Variants in TMPRSS12 observed in about 807,000 individuals in gnomAD.
TMPRSS12 encodes transmembrane serine protease 12, also known as transmembrane protease serine 12.
Under a neutral mutation model 26.0 loss-of-function variants are expected in TMPRSS12, and 25 were observed. That is an observed-to-expected ratio of 0.96 (90% CI 0.70 to 1.34). The LOEUF is 1.34. TMPRSS12 is among the 40% of genes most tolerant of loss of function. The pLI, the probability that TMPRSS12 is intolerant of heterozygous loss-of-function variation, is 0.00. For missense variants in TMPRSS12, 441 were observed against 440.1 expected, an observed-to-expected ratio of 1.00 and a Z score of -0.02; for synonymous variants, 150 against 161.7, an observed-to-expected ratio of 0.93 and a Z score of 0.55.
At chr12:50,880,695 T>G (rs980192522) in intron 3 of TMPRSS12, among the ~76,000 whole-genome samples, 3 of 152,062 alleles carry the variant, frequency 2.0e-5, no homozygotes, top group African/African-American at 7.2e-5. Flanking sequence ...TTATGAACGC[T>G]CATCATAGCA....
chr12:50,856,375 C>G (rs912307578), intron 2 of TMPRSS12, among the ~76,000 whole-genome samples: 1 of 152,286 alleles, frequency 6.6e-6, no homozygotes, highest in South Asian at 2.1e-4. Context: ...GCCTGCAGAA[C>G]TGTGAGCCAA....
intron 3 of TMPRSS12, among the ~76,000 whole-genome samples, chr12:50,876,756 A>T (rs1351930728): frequency 7.1e-6 from 1 of 140,678 alleles, no homozygotes; most frequent in African/African-American, 2.6e-5. Flanking sequence ...AGGAGCAGAG[A>T]TCGTGCCACT....
chr12:50,862,792 G>C (rs1210163248), intron 3 of TMPRSS12, among the ~76,000 whole-genome samples: 1 of 151,978 alleles, frequency 6.6e-6, no homozygotes, highest in African/African-American at 2.4e-5. Flanking sequence ...CTCCCAAAGT[G>C]CTAGGACTAC....
chr12:50,843,944 T>C lies in TMPRSS12; in HGVS notation c.290T>C (p.Ile97Thr), dbSNP rs773919093. The change falls in exon 2 of 5, where the codon ATT (isoleucine) becomes ACT (threonine). Residue 97 changes from isoleucine to threonine, a missense_variant. Physicochemically the swap from Ile to Thr is moderately conservative, Grantham distance 89. Coordinates refer to ENST00000398458, the MANE Select transcript of TMPRSS12 (RefSeq NM_182559.3). ...TGGCCGTGGGTGGTGAGCCTGCAGA[T>C]TAAATATGGCCGTGTTCTTGTTCAT... Reference protein sequence around the residue: ...GAWPWVVSLQIKYGRVLVHVC... With the variant: ...GAWPWVVSLQTKYGRVLVHVC... 1 of 1,601,144 alleles carries C rather than the reference T, an allele frequency of 6.2e-7. No individual in the cohort carries two copies. The highest frequency in any genetic ancestry group is 1.1e-5 in the South Asian group (1 of 88,560).
intron 3 of TMPRSS12, among the ~76,000 whole-genome samples, chr12:50,859,766 T>C (rs1937917809): frequency 1.3e-5 from 2 of 152,238 alleles, no homozygotes; most frequent in South Asian, 2.1e-4. Flanking sequence ...TAACAGGCTA[T>C]ACCATCTACC....
At chr12:50,859,666 C>T (rs142450429) in intron 3 of TMPRSS12, among the ~76,000 whole-genome samples, 66 of 152,278 alleles carry the variant, frequency 4.3e-4, no homozygotes, top group Non-Finnish European at 7.2e-4. Flanking sequence ...CCTACTGTAC[C>T]TTTTCTGTGT....
At chr12:50,885,824 CT>C (rs398019534) in intron 4 of TMPRSS12, 9,793 of 187,752 alleles carry the variant, frequency 0.052, no homozygotes, top group Middle Eastern at 0.1. Flanking sequence ...CCCGGCCATT[CT>C]TTTTTTTTTT....
intron 2 of TMPRSS12, among the ~76,000 whole-genome samples, chr12:50,853,573 T>A (rs1592217755): frequency 1.0e-4 from 6 of 57,282 alleles, no homozygotes; most frequent in Non-Finnish European, 1.8e-4. Flanking sequence ...GACCACTAGC[T>A]AGACTAACAA....
intron 2 of TMPRSS12, among the ~76,000 whole-genome samples, chr12:50,852,817 T>C (rs920623744): frequency 2.6e-5 from 4 of 152,200 alleles, no homozygotes; most frequent in African/African-American, 9.7e-5. Flanking sequence ...CTGGAGGACC[T>C]AGATTCATAA....
intron 2 of TMPRSS12, among the ~76,000 whole-genome samples, chr12:50,850,516 G>A (rs749887178): frequency 4.6e-5 from 7 of 152,094 alleles, no homozygotes; most frequent in Non-Finnish European, 7.4e-5. Context: ...GGGGGTTGAC[G>A]CTGCAGTGAG....
In TMPRSS12 at chr12:50,858,800, G is replaced by T. The variant is rs1015031347; in HGVS notation, c.399G>T (p.Trp133Cys). The T allele has an allele frequency of 1.3e-6, 2 of 1,584,418 alleles. No homozygotes were observed. Among genetic ancestry groups the T allele is most frequent in the East Asian group, 2.2e-5 (1 of 44,456 alleles). ...TTTCTTTCAGCGATCCTTTAATGTG[G>T]ACAGCTGTGATTGGAACTAATAATA... Reference protein sequence around the residue: ...CTKDASDPLMWTAVIGTNNIH... With the variant: ...CTKDASDPLMCTAVIGTNNIH... Residue 133 changes from tryptophan to cysteine, a missense_variant, in exon 3 of 5, where the codon TGG becomes TGT. Transcript: ENST00000398458.
chr12:50,885,607 T>TCCATGG, intron 4 of TMPRSS12: 2 of 626,022 alleles, frequency 3.2e-6, no homozygotes, highest in Non-Finnish European at 5.6e-6. Flanking sequence ...TGAATTCTTT[T>TCCATGG]TTTTAATCAT....
At chr12:50,865,911 G>A (rs529765293) in intron 3 of TMPRSS12, among the ~76,000 whole-genome samples, 25 of 152,256 alleles carry the variant, frequency 1.6e-4, no homozygotes, top group African/African-American at 6.0e-4. Flanking sequence ...AACATAGCTT[G>A]AGTACAGACT....
chr12:50,867,973 A>G (rs991797638), intron 3 of TMPRSS12, among the ~76,000 whole-genome samples: 22 of 152,224 alleles, frequency 1.4e-4, no homozygotes, highest in African/African-American at 5.1e-4. Context: ...TGCTAGAAGG[A>G]GCTCTAAATC....
In TMPRSS12 at chr12:50,858,969, A is replaced by G. The variant is rs770079533; in HGVS notation, c.568A>G (p.Ile190Val). The G allele has an allele frequency of 1.3e-6, 2 of 1,597,472 alleles. No homozygotes were observed. Among genetic ancestry groups the G allele is most frequent in the South Asian group, 1.1e-5 (1 of 88,316 alleles). Reference sequence around the variant, plus strand: ...GAGGTATAATGACTATATTCAGCCTATTTGCCTACCTTTTGATGTTTTCCA... The same window carrying G: ...GAGGTATAATGACTATATTCAGCCTGTTTGCCTACCTTTTGATGTTTTCCA... The part of the protein sequence containing the change: ...AVRYNDYIQP[I>V]CLPFDVFQIL... The change falls in exon 3 of 5, where the codon ATT (isoleucine) becomes GTT (valine). Residue 190 changes from isoleucine (I) to valine (V), a missense_variant. Coordinates refer to ENST00000398458, the MANE Select transcript of TMPRSS12 (RefSeq NM_182559.3).
chr12:50,853,185 TATA>T (rs926822701), intron 2 of TMPRSS12, among the ~76,000 whole-genome samples: 3 of 152,256 alleles, frequency 2.0e-5, no homozygotes, highest in African/African-American at 7.2e-5. Flanking sequence ...CTCAAAACCA[TATA>T]ATAACATGGA....
intron 3 of TMPRSS12, among the ~76,000 whole-genome samples, chr12:50,876,767 G>A (rs1938117208): frequency 7.7e-6 from 1 of 129,582 alleles, no homozygotes; most frequent in Admixed American, 9.2e-5. Context: ...TCGTGCCACT[G>A]CACTCCAGCC....
intron 3 of TMPRSS12, among the ~76,000 whole-genome samples, chr12:50,864,242 C>T (rs557984337): frequency 8.5e-5 from 13 of 152,286 alleles, no homozygotes; most frequent in African/African-American, 3.1e-4. Context: ...TTGATCCTGA[C>T]AACATCAAAT....
chr12:50,853,469 A>G (rs1937845030), intron 2 of TMPRSS12, among the ~76,000 whole-genome samples: 1 of 151,988 alleles, frequency 6.6e-6, no homozygotes, highest in Non-Finnish European at 1.5e-5. Context: ...AATTAACCAA[A>G]ATCACAGCTG....
Sources: gnomAD v4.1 joint callset for allele counts (sites outside exome capture counted in the v4.1 genomes callset) on GRCh38, gnomAD v4.1.1 for gene constraint, MANE v1.5 for transcripts, NCBI Gene and HGNC (gene_info 2026-07-23, HGNC 2026-07-21) for gene names.